The following OPCML variants were observed in gnomAD, a reference collection of about 807,000 sequenced individuals.
OPCML encodes opioid binding protein/cell adhesion molecule like.
A neutral mutation model predicts 37.8 loss-of-function variants in OPCML; 13 were observed. The observed-to-expected ratio is 0.34, with a 90% CI of 0.22 to 0.55. The LOEUF (loss-of-function observed/expected upper bound fraction) is 0.55, where lower values mean the gene tolerates loss of function less well. Among genes scored for constraint, OPCML ranks in the 20% least tolerant of loss-of-function variants. The probability of loss-of-function intolerance (pLI) is 0.91; values close to 1 mark genes in which losing one functional copy is unlikely to be tolerated. For missense variants in OPCML, 341 were observed against 435.6 expected (o/e 0.78, Z 1.93); for synonymous variants, 176 against 168.8 (o/e 1.04, Z -0.33).
At chr11:133,493,419 C>A (rs903671317) in intron 1 of OPCML, among the ~76,000 whole-genome samples, 11 of 152,240 alleles carry the variant, frequency 7.2e-5, no homozygotes, top group African/African-American at 2.7e-4. Flanking sequence ...CGTTCAGTCA[C>A]ATGGGTGCAT....
intron 2 of OPCML, among the ~76,000 whole-genome samples, chr11:132,905,250 T>TG (rs386375315): frequency 1.4e-3 from 212 of 147,300 alleles, no homozygotes; most frequent in African/African-American, 5.1e-3. Context: ...TTTTTTTTTT[T>TG]GACAGAGTTT....
At chr11:133,132,708 C>T (rs1949624411) in intron 1 of OPCML, among the ~76,000 whole-genome samples, 1 of 152,064 alleles carries the variant, frequency 6.6e-6, no homozygotes, top group African/African-American at 2.4e-5. Context: ...ACACATTTGG[C>T]TGAATCTCAA....
chr11:133,340,429 C>T (rs1943839583), intron 1 of OPCML, among the ~76,000 whole-genome samples: 1 of 152,208 alleles, frequency 6.6e-6, no homozygotes, highest in Non-Finnish European at 1.5e-5. Context: ...TACAGTCTTT[C>T]AAGCCTGTAC....
At chr11:133,166,217 G>A (rs1376345969) in intron 1 of OPCML, among the ~76,000 whole-genome samples, 1 of 152,186 alleles carries the variant, frequency 6.6e-6, no homozygotes, top group East Asian at 1.9e-4. Context: ...CAGTAGAAGA[G>A]TCAGTGCTCT....
chr11:133,477,186 C>T (rs1353445759), intron 1 of OPCML, among the ~76,000 whole-genome samples: 1 of 152,142 alleles, frequency 6.6e-6, no homozygotes, highest in Non-Finnish European at 1.5e-5. Flanking sequence ...TTTCTGTTCG[C>T]CCTCTTCTGC....
chr11:132,968,862 T>C (rs1946275434), intron 1 of OPCML, among the ~76,000 whole-genome samples: 1 of 152,162 alleles, frequency 6.6e-6, no homozygotes, highest in African/African-American at 2.4e-5. Flanking sequence ...TTAATATGCT[T>C]TTCTTCCCTT....
chr11:133,047,556 A>C (rs997777093), intron 1 of OPCML, among the ~76,000 whole-genome samples: 8 of 152,120 alleles, frequency 5.3e-5, no homozygotes, highest in African/African-American at 1.9e-4. Flanking sequence ...TGTGGATGGC[A>C]CTGCGGCCCA....
intron 3 of OPCML, among the ~76,000 whole-genome samples, chr11:132,605,641 C>T (rs1475929255): frequency 2.0e-5 from 3 of 151,984 alleles, no homozygotes; most frequent in African/African-American, 4.8e-5. Flanking sequence ...GTTTTGGCTC[C>T]CCCGGCCCTG....
At chr11:132,838,589 CATA>C (rs561540361) in intron 2 of OPCML, among the ~76,000 whole-genome samples, 18 of 152,164 alleles carry the variant, frequency 1.2e-4, no homozygotes, top group Non-Finnish European at 1.5e-4. Context: ...GCATTGCTGG[CATA>C]ATTTTATTTC....
At chr11:133,055,276 G>A (rs112340117) in intron 1 of OPCML, among the ~76,000 whole-genome samples, 2 of 146,902 alleles carry the variant, frequency 1.4e-5, no homozygotes, top group African/African-American at 5.1e-5. Context: ...GACCCCATGA[G>A]GGAGCCACCT....
intron 2 of OPCML, among the ~76,000 whole-genome samples, chr11:132,704,673 T>C (rs1943961340): frequency 6.6e-6 from 1 of 152,208 alleles, no homozygotes; most frequent in Non-Finnish European, 1.5e-5. Flanking sequence ...AAGTGAAATG[T>C]AGAATAAGTT....
chr11:133,189,921 T>G (rs1938235042), intron 1 of OPCML, among the ~76,000 whole-genome samples: 1 of 151,992 alleles, frequency 6.6e-6, no homozygotes, highest in Admixed American at 6.6e-5. Context: ...AAATAAGGAG[T>G]GGTTGCTGCC....
At chr11:133,429,394 T>A (rs1391155616) in intron 1 of OPCML, among the ~76,000 whole-genome samples, 1 of 152,194 alleles carries the variant, frequency 6.6e-6, no homozygotes, top group African/African-American at 2.4e-5. Context: ...TTTACACCAT[T>A]ATCCAGATTT....
intron 3 of OPCML, among the ~76,000 whole-genome samples, chr11:132,573,354 A>G (rs1284567498): frequency 2.6e-5 from 4 of 151,974 alleles, no homozygotes; most frequent in Non-Finnish European, 2.9e-5. Flanking sequence ...TTAGTTTTTC[A>G]CCATTATATA....
At chr11:132,470,338 G>T (rs1333425577) in intron 4 of OPCML, among the ~76,000 whole-genome samples, 8 of 152,094 alleles carry the variant, frequency 5.3e-5, no homozygotes, top group African/African-American at 1.9e-4. Flanking sequence ...TATTCAAAAT[G>T]AAGGAAGGTG....
chr11:132,835,408 G>A (rs548185806), intron 2 of OPCML, among the ~76,000 whole-genome samples: 2 of 152,362 alleles, frequency 1.3e-5, no homozygotes, highest in East Asian at 3.9e-4. Context: ...TCAGTACTGA[G>A]TACACAGAAA....
At chr11:133,318,393 C>T (rs750115319) in intron 1 of OPCML, among the ~76,000 whole-genome samples, 1 of 152,162 alleles carries the variant, frequency 6.6e-6, no homozygotes, top group Non-Finnish European at 1.5e-5. Context: ...CACCATCCCC[C>T]AGATGACGTT....
intron 2 of OPCML, among the ~76,000 whole-genome samples, chr11:132,903,368 C>G (rs941893683): frequency 6.6e-6 from 1 of 152,178 alleles, no homozygotes; most frequent in Non-Finnish European, 1.5e-5. Flanking sequence ...GTTACTATTT[C>G]TCTCTTATTT....
intron 1 of OPCML, among the ~76,000 whole-genome samples, chr11:132,944,701 G>A (rs1443802581): frequency 6.6e-6 from 1 of 152,164 alleles, no homozygotes; most frequent in African/African-American, 2.4e-5. Flanking sequence ...GGTGCTTTTG[G>A]AAGCCAGCCT....
Sources: gnomAD v4.1 joint callset for allele counts (sites outside exome capture counted in the v4.1 genomes callset) on GRCh38, gnomAD v4.1.1 for gene constraint, MANE v1.5 for transcripts, NCBI Gene and HGNC (gene_info 2026-07-23, HGNC 2026-07-21) for gene names.